NKAIN2: variants seen among roughly 807,000 people sequenced by gnomAD.
NKAIN2 encodes sodium/potassium transporting ATPase interacting 2.
NKAIN2 carries 14 observed loss-of-function variants against 32.6 expected under a neutral mutation model. That is an observed-to-expected ratio of 0.43 (90% CI 0.28 to 0.67). NKAIN2 has a LOEUF of 0.67. Among genes scored for constraint, NKAIN2 ranks in the 30% least tolerant of loss-of-function variants. NKAIN2 has a pLI of 0.17. For missense variants in NKAIN2, 198 were observed against 258.3 expected (o/e 0.77, Z 1.60); for synonymous variants, 80 against 87.2 (o/e 0.92, Z 0.46).
intron 1 of NKAIN2, among the ~76,000 whole-genome samples, chr6:124,058,502 T>A (rs1782773117): frequency 6.6e-6 from 1 of 152,094 alleles, no homozygotes; most frequent in Non-Finnish European, 1.5e-5. Context: ...CCTCTGTTTC[T>A]TCATTGCAAA....
intron 1 of NKAIN2, among the ~76,000 whole-genome samples, chr6:123,833,108 T>C (rs935075629): frequency 6.6e-6 from 1 of 152,206 alleles, no homozygotes; most frequent in African/African-American, 2.4e-5. Flanking sequence ...ATCTCTCTTT[T>C]GTGTTGATTT....
chr6:124,354,518 A>G (rs2115141898), intron 2 of NKAIN2, among the ~76,000 whole-genome samples: 1 of 152,298 alleles, frequency 6.6e-6, no homozygotes. Flanking sequence ...AAGAAGGTGA[A>G]TGGAGAAATG....
intron 3 of NKAIN2, among the ~76,000 whole-genome samples, chr6:124,634,702 T>G (rs2114325312): frequency 6.6e-6 from 1 of 152,176 alleles, no homozygotes; most frequent in East Asian, 1.9e-4. Context: ...TTTCCAAGTT[T>G]TAGAAGAGAT....
At chr6:124,815,162 T>A (rs1255964328) in intron 5 of NKAIN2, among the ~76,000 whole-genome samples, 1 of 149,072 alleles carries the variant, frequency 6.7e-6, no homozygotes, top group Non-Finnish European at 1.5e-5. Context: ...CAAGAGCCCA[T>A]CCAGATAAAC....
chr6:123,981,751 G>A (rs746675600), intron 1 of NKAIN2, among the ~76,000 whole-genome samples: 1 of 152,218 alleles, frequency 6.6e-6, no homozygotes, highest in African/African-American at 2.4e-5. Flanking sequence ...AGAGAGCACC[G>A]AATTCAATGA....
intron 1 of NKAIN2, among the ~76,000 whole-genome samples, chr6:124,219,202 A>T (rs910521851): frequency 6.6e-6 from 1 of 152,168 alleles, no homozygotes; most frequent in Non-Finnish European, 1.5e-5. Context: ...TCCAATTTTA[A>T]AAAATTATAT....
At position 124,374,277 on chromosome 6, in the gene NKAIN2, A is replaced by G. The variant is rs548589270; in HGVS notation, c.273+18930A>G. ...TCAGTAAAATGAGTCAAAGGTCATC[A>G]ATTTAAGTGAAAAGGTATAAAGAGA... On this transcript the variant is annotated intron_variant, in intron 3 of 6. Transcript: ENST00000368417. Among the ~76,000 whole-genome samples the G allele has an allele frequency of 3.2e-4, 49 of 152,234 alleles. No individual in the cohort carries two copies. In the South Asian group the frequency reaches 9.7e-3, roughly 30 times the overall value.
At chr6:124,412,962 A>T (rs954556424) in intron 3 of NKAIN2, among the ~76,000 whole-genome samples, 1 of 151,960 alleles carries the variant, frequency 6.6e-6, no homozygotes, top group African/African-American at 2.4e-5. Flanking sequence ...TGGGCGTAGG[A>T]CCCTCCGAGC....
chr6:124,491,735 C>T (rs1300454127), intron 3 of NKAIN2, among the ~76,000 whole-genome samples: 2 of 151,788 alleles, frequency 1.3e-5, no homozygotes, highest in African/African-American at 2.4e-5. Flanking sequence ...TAAGTTGATA[C>T]GATGTGGCGG....
intron 1 of NKAIN2, among the ~76,000 whole-genome samples, chr6:124,163,050 T>C (rs1314270231): frequency 1.3e-5 from 2 of 152,116 alleles, no homozygotes; most frequent in African/African-American, 4.8e-5. Context: ...ATCATATTTA[T>C]ACATCAAATT....
At chr6:124,620,786 A>C (rs2114255587) in intron 3 of NKAIN2, among the ~76,000 whole-genome samples, 1 of 152,336 alleles carries the variant, frequency 6.6e-6, no homozygotes, top group Non-Finnish European at 1.5e-5. Context: ...TCACAGAGTA[A>C]GAATAAATGA....
Position 124,820,262 on chromosome 6 carries a change from G to T in NKAIN2, c.617+1794G>T, listed in dbSNP as rs368836330. 4.6e-5 allele frequency among the ~76,000 whole-genome samples: 7 copies of T among 152,264 alleles called. No homozygotes were observed. In the South Asian group the frequency reaches 6.2e-4, roughly 14 times the overall value. On this transcript the variant is annotated intron_variant, in intron 6 of 6. Coordinates refer to ENST00000368417, the MANE Select transcript of NKAIN2 (RefSeq NM_001040214.3). ...ATTTAAAAAGGCAATCAGGACTAGT[G>T]GTTAAGACGACCTACTGAAGGCATA...
At chr6:124,485,343 C>T (rs1777609752) in intron 3 of NKAIN2, among the ~76,000 whole-genome samples, 1 of 152,102 alleles carries the variant, frequency 6.6e-6, no homozygotes, top group Non-Finnish European at 1.5e-5. Flanking sequence ...CTCCACTCCC[C>T]ATTACACCAA....
chr6:124,668,500 G>A (rs1415656526), intron 4 of NKAIN2, among the ~76,000 whole-genome samples: 1 of 152,064 alleles, frequency 6.6e-6, no homozygotes, highest in East Asian at 1.9e-4. Context: ...CCTACCCCCT[G>A]TTCCATAACC....
rs193253571 is a variant in NKAIN2, at chr6:124,243,061, G to A, written c.55-39944G>A. On this transcript the variant is annotated intron_variant, in intron 1 of 6. Transcript: ENST00000368417. Reference sequence around the variant, plus strand: ...ATTAAAAAAAAAAAAACCCAAGGGCGGAGTAAAAGGAGATAAAAGTGAGTA... The same window carrying A: ...ATTAAAAAAAAAAAAACCCAAGGGCAGAGTAAAAGGAGATAAAAGTGAGTA... Among the ~76,000 whole-genome samples, 314 of 151,434 alleles carry A rather than the reference G, an allele frequency of 2.1e-3. 4 individuals are homozygous for A. The highest frequency in any genetic ancestry group is 6.5e-3 in the African/African-American group (267 of 41,318).
chr6:123,969,464 G>T (rs1198273287), intron 1 of NKAIN2, among the ~76,000 whole-genome samples: 1 of 152,160 alleles, frequency 6.6e-6, no homozygotes, highest in Admixed American at 6.5e-5. Context: ...TCACCAAGAT[G>T]ACTGGCACAC....
intron 1 of NKAIN2, among the ~76,000 whole-genome samples, chr6:124,142,486 T>G (rs1787194612): frequency 6.6e-6 from 1 of 152,168 alleles, no homozygotes; most frequent in South Asian, 2.1e-4. Flanking sequence ...GCCCACAGTG[T>G]GATTATTGTT....
chr6:124,422,876 T>A (rs1562174626), intron 3 of NKAIN2, among the ~76,000 whole-genome samples: 1 of 152,194 alleles, frequency 6.6e-6, no homozygotes. Context: ...TTACAGTATT[T>A]GCGATGAGTT....
intron 1 of NKAIN2, among the ~76,000 whole-genome samples, chr6:124,054,053 G>C (rs1323439475): frequency 6.6e-6 from 1 of 152,084 alleles, no homozygotes; most frequent in Non-Finnish European, 1.5e-5. Context: ...CATTTTATAT[G>C]TATTATCTAT....
Sources: allele counts gnomAD v4.1 joint callset (sites outside exome capture counted in the v4.1 genomes callset), GRCh38; gene constraint gnomAD v4.1.1; transcripts MANE v1.5; gene names NCBI Gene and HGNC (gene_info 2026-07-23, HGNC 2026-07-21).